Variants in NIBAN1 observed in about 807,000 individuals in gnomAD.
The protein encoded by NIBAN1 is protein Niban 1.
Under a neutral mutation model 75.1 loss-of-function variants are expected in NIBAN1, and 81 were observed. The ratio of observed to expected loss-of-function variants is 1.08; its 90% CI spans 0.90 to 1.30. NIBAN1 has a LOEUF of 1.30. Ranked by LOEUF, NIBAN1 falls within the 50% of genes most tolerant of loss-of-function variation. NIBAN1 has a pLI of 0.00. For synonymous variants in NIBAN1, 436 were observed against 424.8 expected (o/e 1.03, Z -0.32); for missense variants, 1,133 against 1,128.1 (o/e 1.00, Z -0.06).
intron 12 of NIBAN1, among the ~76,000 whole-genome samples, chr1:184,799,841 G>T (rs1451659130): frequency 7.5e-5 from 7 of 93,272 alleles, no homozygotes; most frequent in Non-Finnish European, 1.4e-4. Flanking sequence ...CGCCTCCCGG[G>T]TTCAAGCCAT....
chr1:184,855,018 T>C (rs1356396662), intron 5 of NIBAN1, among the ~76,000 whole-genome samples: 2 of 152,216 alleles, frequency 1.3e-5, no homozygotes, highest in African/African-American at 2.4e-5. Flanking sequence ...TGTTGGTGTG[T>C]TAATGATAAG....
At chr1:184,877,779 C>T (rs1036521860) in intron 5 of NIBAN1, among the ~76,000 whole-genome samples, 2 of 152,014 alleles carry the variant, frequency 1.3e-5, no homozygotes, top group African/African-American at 4.8e-5. Context: ...TATATCCTGT[C>T]TATAAGTAAA....
At chr1:184,800,598 C>T (rs1571469453) in intron 12 of NIBAN1, among the ~76,000 whole-genome samples, 1 of 151,732 alleles carries the variant, frequency 6.6e-6, no homozygotes, top group East Asian at 1.9e-4. Context: ...AGCCAGTTTT[C>T]CCAGCACCAT....
At chr1:184,904,519 T>C (rs1557908220) in intron 1 of NIBAN1, among the ~76,000 whole-genome samples, 1 of 152,226 alleles carries the variant, frequency 6.6e-6, no homozygotes. Flanking sequence ...CAGCATTCAT[T>C]TGACTCCTTC....
At chr1:184,897,961 A>G (rs1378071836) in intron 2 of NIBAN1, among the ~76,000 whole-genome samples, 4 of 152,106 alleles carry the variant, frequency 2.6e-5, no homozygotes, top group Non-Finnish European at 4.4e-5. Context: ...CTCTCGCCCC[A>G]TAGTCTATTC....
intron 13 of NIBAN1, 75 bp from the exon 14 acceptor site, chr1:184,796,172 G>A: frequency 1.4e-6 from 2 of 1,441,116 alleles, no homozygotes; most frequent in Non-Finnish European, 9.1e-7. Flanking sequence ...AGCCTCTCTG[G>A]CTATCCAAAT....
intron 1 of NIBAN1, among the ~76,000 whole-genome samples, chr1:184,945,816 C>T (rs6686749): frequency 0.37 from 56,035 of 151,890 alleles, 10,736 homozygotes; most frequent in Non-Finnish European, 0.41. Flanking sequence ...TCAAAAGAAT[C>T]AGCAGAAACA....
intron 5 of NIBAN1, among the ~76,000 whole-genome samples, chr1:184,854,091 C>A (rs998985587): frequency 6.6e-6 from 1 of 152,030 alleles, no homozygotes; most frequent in Non-Finnish European, 1.5e-5. Flanking sequence ...TTTTTTAGTA[C>A]TAAGTCTTTG....
At chr1:184,926,426 C>T (rs536626938) in intron 1 of NIBAN1, among the ~76,000 whole-genome samples, 75 of 152,194 alleles carry the variant, frequency 4.9e-4, no homozygotes, top group Non-Finnish European at 7.5e-4. Context: ...TTCGTAGAGA[C>T]GGGGCTTCAC....
At chr1:184,812,211 A>C (rs1304347450) in intron 9 of NIBAN1, among the ~76,000 whole-genome samples, 2 of 152,136 alleles carry the variant, frequency 1.3e-5, no homozygotes, top group Non-Finnish European at 2.9e-5. Flanking sequence ...AGAGACCACA[A>C]GTTGAAACTC....
chr1:184,869,547 C>CT (rs773764916), intron 5 of NIBAN1, among the ~76,000 whole-genome samples: 13,011 of 146,016 alleles, frequency 0.089, 730 homozygotes, highest in African/African-American at 0.16. Context: ...GCATTCACTA[C>CT]TTTTTTTTTT....
At chr1:184,809,673 G>A (rs1009366698) in intron 9 of NIBAN1, among the ~76,000 whole-genome samples, 2 of 129,476 alleles carry the variant, frequency 1.5e-5, no homozygotes, top group South Asian at 2.3e-4. Flanking sequence ...ATGTGTGTGT[G>A]TATATATATA....
chr1:184,888,739 C>G (rs1191374136), intron 4 of NIBAN1, among the ~76,000 whole-genome samples: 1 of 152,180 alleles, frequency 6.6e-6, no homozygotes, highest in Non-Finnish European at 1.5e-5. Flanking sequence ...TCTCTTCTGG[C>G]TGATTTCATT....
intron 12 of NIBAN1, among the ~76,000 whole-genome samples, chr1:184,802,419 T>C (rs1654069892): frequency 6.6e-6 from 1 of 152,140 alleles, no homozygotes; most frequent in Non-Finnish European, 1.5e-5. Context: ...AAGCAGAACA[T>C]CTGTGTGCAA....
intron 5 of NIBAN1, among the ~76,000 whole-genome samples, chr1:184,872,468 GGCTGAGGCAGGTA>G (rs1656135834): frequency 6.6e-6 from 1 of 152,188 alleles, no homozygotes; most frequent in East Asian, 1.9e-4. Flanking sequence ...CATTTTGGGA[GGCTGAGGCAGGTA>G]GATCACTTGA....
rs1391914042 is a variant in NIBAN1, at chr1:184,791,822, A to G, written c.*3155T>C. Reference sequence around the variant, plus strand: ...ACTCAAATGACACATACAAGTCTGTATGAAAAGCAAAACAAACTCATGGTG... The same window carrying G: ...ACTCAAATGACACATACAAGTCTGTGTGAAAAGCAAAACAAACTCATGGTG... On this transcript the variant is annotated 3_prime_UTR_variant, in exon 14 of 14. Transcript: ENST00000367511. The G allele has an allele frequency of 6.6e-6, 1 of 152,254 alleles. No homozygotes were observed. Among genetic ancestry groups the G allele is most frequent in the Non-Finnish European group, 1.5e-5 (1 of 68,056 alleles). 9.4% of individuals were successfully genotyped at this position (152,254 alleles called of 1,614,324 possible).
chr1:184,901,413 A>T (rs973549510), intron 1 of NIBAN1, among the ~76,000 whole-genome samples: 8 of 152,206 alleles, frequency 5.3e-5, no homozygotes, highest in Non-Finnish European at 1.0e-4. Context: ...CTTTATAATC[A>T]TCTAATTGGT....
intron 5 of NIBAN1, among the ~76,000 whole-genome samples, chr1:184,881,542 G>C (rs762519741): frequency 3.3e-5 from 5 of 152,110 alleles, no homozygotes; most frequent in African/African-American, 2.4e-5. Flanking sequence ...TGGATCTCGC[G>C]CAAGAAAGAA....
chr1:184,892,416 C>T (rs1332316645), intron 3 of NIBAN1, among the ~76,000 whole-genome samples: 2 of 152,156 alleles, frequency 1.3e-5, no homozygotes, highest in Admixed American at 6.5e-5. Context: ...ACTGTCCCTC[C>T]TCAAGCTCCT....
Sources: gnomAD v4.1 joint callset for allele counts (sites outside exome capture counted in the v4.1 genomes callset) on GRCh38, gnomAD v4.1.1 for gene constraint, MANE v1.5 for transcripts, NCBI Gene and HGNC (gene_info 2026-07-23, HGNC 2026-07-21) for gene names.